Variants in PLCH1 observed in about 807,000 individuals in gnomAD.
The protein encoded by PLCH1 is 1-phosphatidylinositol 4,5-bisphosphate phosphodiesterase eta-1.
Under a neutral mutation model 126.7 loss-of-function variants are expected in PLCH1, and 60 were observed. The ratio of observed to expected loss-of-function variants is 0.47; its 90% CI spans 0.38 to 0.59. The LOEUF (loss-of-function observed/expected upper bound fraction) is 0.59, where lower values mean the gene tolerates loss of function less well. Among genes scored for constraint, PLCH1 ranks in the 20% least tolerant of loss-of-function variants. The pLI is 0.00. For missense variants in PLCH1, 1,723 were observed against 2,040.0 expected (o/e 0.84, Z 2.99); for synonymous variants, 719 against 734.9 (o/e 0.98, Z 0.35).
At chr3:155,464,650 G>A (rs1461580208) in intron 21 of PLCH1, among the ~76,000 whole-genome samples, 4 of 152,078 alleles carry the variant, frequency 2.6e-5, no homozygotes, top group Admixed American at 2.0e-4. Flanking sequence ...GTGACCGAAT[G>A]AGTCCCTTTT....
chr3:155,514,705 C>A lies in PLCH1; in HGVS notation c.1632+18G>T. The A allele has an allele frequency of 2.0e-6, 3 of 1,494,402 alleles. No homozygotes were observed. Among genetic ancestry groups the A allele is most frequent in the Non-Finnish European group, 2.7e-6 (3 of 1,110,182 alleles). 92.6% of individuals were successfully genotyped at this position (1,494,402 alleles called of 1,614,324 possible). ...TTTTTTTCCTGTTGAAGGATAAGTA[C>A]AAGAGGGAATCAGATACCTGCTTCA... On this transcript the variant is annotated intron_variant, in intron 12 of 22. Transcript: ENST00000460012.
chr3:155,567,511 G>A (rs1728677151), intron 7 of PLCH1, among the ~76,000 whole-genome samples: 1 of 152,184 alleles, frequency 6.6e-6, no homozygotes, highest in African/African-American at 2.4e-5. Context: ...AAATTGGTGA[G>A]ATAAACCATG....
At chr3:155,538,302 G>T (rs559815243) in intron 10 of PLCH1, among the ~76,000 whole-genome samples, 1 of 151,942 alleles carries the variant, frequency 6.6e-6, no homozygotes, top group African/African-American at 2.4e-5. Flanking sequence ...GTCTGAAAGA[G>T]GACAAACAGA....
At chr3:155,659,302 C>T (rs112128178) in intron 2 of PLCH1, among the ~76,000 whole-genome samples, 1,841 of 30,628 alleles carry the variant, frequency 0.06, 45 homozygotes, top group African/African-American at 0.13. Flanking sequence ...CTATTCACTT[C>T]TTTTTTTTTT....
intron 2 of PLCH1, among the ~76,000 whole-genome samples, chr3:155,633,372 T>A (rs1478599028): frequency 6.6e-6 from 1 of 150,768 alleles, no homozygotes. Flanking sequence ...TACTCTTTCC[T>A]GTTTCCTTCA....
At chr3:155,696,175 T>C (rs1436626940) in intron 2 of PLCH1, among the ~76,000 whole-genome samples, 2 of 152,122 alleles carry the variant, frequency 1.3e-5, no homozygotes, top group Non-Finnish European at 2.9e-5. Flanking sequence ...ATCTGAATAT[T>C]CCTTTGAAAC....
intron 2 of PLCH1, among the ~76,000 whole-genome samples, chr3:155,701,427 G>A (rs568287485): frequency 2.6e-4 from 40 of 152,268 alleles, no homozygotes; most frequent in African/African-American, 9.4e-4. Context: ...CAACACTGCT[G>A]AAGTTTGTCT....
At chr3:155,475,252 ATTT>A (rs1329961999), downstream of PLCH1, among the ~76,000 whole-genome samples, 2 of 152,052 alleles carry the variant, frequency 1.3e-5, no homozygotes, top group Non-Finnish European at 2.9e-5. Flanking sequence ...AAATTTTAAA[ATTT>A]CTACAGGATC....
chr3:155,699,082 CTT>C (rs796347387), intron 2 of PLCH1, among the ~76,000 whole-genome samples: 2 of 127,724 alleles, frequency 1.6e-5, no homozygotes, highest in Admixed American at 7.9e-5. Context: ...AATCTTTTAT[CTT>C]TTTTTTTTTT....
At chr3:155,542,959 G>A (rs945930087) in intron 10 of PLCH1, among the ~76,000 whole-genome samples, 1 of 152,144 alleles carries the variant, frequency 6.6e-6, no homozygotes, top group Admixed American at 6.6e-5. Flanking sequence ...AGAAAAACTG[G>A]AAACTCTAAA....
At chr3:155,738,243 C>CT (rs1459380233) in intron 1 of PLCH1, among the ~76,000 whole-genome samples, 1 of 152,176 alleles carries the variant, frequency 6.6e-6, no homozygotes, top group Non-Finnish European at 1.5e-5. Context: ...CCAGCACCCA[C>CT]TTTTTTTGAA....
chr3:155,483,299 A>T (rs1453475289), intron 22 of PLCH1: 21 of 1,294,206 alleles, frequency 1.6e-5, no homozygotes, highest in Non-Finnish European at 2.2e-5. Flanking sequence ...TGTAATATTC[A>T]TTGTCAAAAA....
At chr3:155,489,329 G>A (rs1317542330) in intron 19 of PLCH1, among the ~76,000 whole-genome samples, 1 of 152,186 alleles carries the variant, frequency 6.6e-6, no homozygotes, top group East Asian at 1.9e-4. Flanking sequence ...AGGATGTTTA[G>A]AGTTTTTAGA....
Position 155,584,440 on chromosome 3 carries a change from T to C in PLCH1, c.601-798A>G, listed in dbSNP as rs183156331. Among the ~76,000 whole-genome samples, 546 of 152,322 alleles carry C rather than the reference T, an allele frequency of 3.6e-3. 5 individuals are homozygous for C. The highest frequency in any genetic ancestry group is 2.1e-3 in the Non-Finnish European group (141 of 68,016). Reference sequence around the variant, plus strand: ...TCCCTCCGTAGAAAAGTCTAAACAATCCATCTGGATTGATTTCTTGTTAAA... The same window carrying C: ...TCCCTCCGTAGAAAAGTCTAAACAACCCATCTGGATTGATTTCTTGTTAAA... On this transcript the variant is annotated intron_variant, in intron 5 of 22. Transcript: ENST00000460012.
At chr3:155,629,642 A>G (rs1354133720) in intron 2 of PLCH1, among the ~76,000 whole-genome samples, 1 of 152,108 alleles carries the variant, frequency 6.6e-6, no homozygotes, top group Non-Finnish European at 1.5e-5. Flanking sequence ...GTCTCCATCA[A>G]TCTGGTGACC....
chr3:155,461,474 A>G (rs890023942), intron 21 of PLCH1, among the ~76,000 whole-genome samples: 18 of 152,232 alleles, frequency 1.2e-4, no homozygotes, highest in African/African-American at 4.3e-4. Context: ...AAACTATTAT[A>G]TGAAGAAAAT....
chr3:155,485,324 GTTTA>G, intron 22 of PLCH1, 28 bp downstream of exon 22: 1 of 1,429,358 alleles, frequency 7.0e-7, no homozygotes, highest in Non-Finnish European at 9.8e-7. Context: ...GCCTAGAAGG[GTTTA>G]TTCTCAGAGA....
At chr3:155,733,969 A>G (rs1748965286) in intron 1 of PLCH1, among the ~76,000 whole-genome samples, 1 of 123,086 alleles carries the variant, frequency 8.1e-6, no homozygotes. Context: ...ATATATATAT[A>G]TATATATATG....
At chr3:155,701,944 C>T (rs1301674322) in intron 2 of PLCH1, among the ~76,000 whole-genome samples, 1 of 152,160 alleles carries the variant, frequency 6.6e-6, no homozygotes, top group African/African-American at 2.4e-5. Context: ...AAAGCTATTG[C>T]TGTATTATAA....
Sources: gnomAD v4.1 joint callset for allele counts (sites outside exome capture counted in the v4.1 genomes callset) on GRCh38, gnomAD v4.1.1 for gene constraint, MANE v1.5 for transcripts, NCBI Gene and HGNC (gene_info 2026-07-23, HGNC 2026-07-21) for gene names.